Variants in BAHCC1 observed in about 807,000 individuals in gnomAD.
BAHCC1 encodes BAH domain and coiled-coil containing 1, also known as BAH and coiled-coil domain-containing protein 1.
BAHCC1 carries 43 observed loss-of-function variants against 88.2 expected under a neutral mutation model. That is an observed-to-expected ratio of 0.49 (90% CI 0.38 to 0.63). The LOEUF (loss-of-function observed/expected upper bound fraction) is 0.63, where lower values mean the gene tolerates loss of function less well. Among genes scored for constraint, BAHCC1 ranks in the 20% least tolerant of loss-of-function variants. The probability of loss-of-function intolerance (pLI) is 0.00; values close to 1 mark genes in which losing one functional copy is unlikely to be tolerated. For synonymous variants in BAHCC1, 1,510 were observed against 745.5 expected (o/e 2.03, Z -16.71); for missense variants, 3,023 against 1,654.8 (o/e 1.83, Z -14.34).
At chr17:81,449,681 C>A (rs927762769) in intron 11 of BAHCC1, among the ~76,000 whole-genome samples, 5 of 152,050 alleles carry the variant, frequency 3.3e-5, no homozygotes, top group Admixed American at 3.3e-4. Flanking sequence ...AGCCCACCCC[C>A]CCTCGGCCCT....
rs1472801140 is a variant in BAHCC1, at chr17:81,443,827, C to T, written c.2234C>T (p.Ser745Phe). 15 of 712,426 alleles carry T rather than the reference C, an allele frequency of 2.1e-5. No individual in the cohort carries two copies. The East Asian group carries it at 4.0e-4, about 19-fold the overall frequency. The allele number at this position is 712,426 out of a possible 1,614,324, so 44.1% of individuals were successfully genotyped here. A position where few individuals can be genotyped will look rare whatever the true frequency, so the allele number is the denominator to read the frequency against. Residue 745 changes from serine to phenylalanine, a missense_variant, in exon 6 of 28, where the codon TCC (serine) becomes TTC (phenylalanine). Physicochemically the swap from Ser to Phe is radical, Grantham distance 155. Coordinates refer to ENST00000675386, the MANE Select transcript of BAHCC1 (RefSeq NM_001377448.1). Reference sequence around the variant, plus strand: ...TGTGCAGGTGGCGGTGGGCCCCGTTCCACACACGCGCTGGACCTGGAGGCT... The same window carrying T: ...TGTGCAGGTGGCGGTGGGCCCCGTTTCACACACGCGCTGGACCTGGAGGCT... ...PAFKGGGGPR[S>F]THALDLEAEE...
At position 81,415,944 on chromosome 17, in the gene BAHCC1, A is replaced by G. The variant is rs115944637; in HGVS notation, c.179-10856A>G. Among the ~76,000 whole-genome samples the G allele has an allele frequency of 9.4e-3, 1,430 of 151,346 alleles. 19 individuals carry two copies. The highest frequency in any genetic ancestry group is 0.033 in the African/African-American group (1,348 of 41,240). On this transcript the variant is annotated intron_variant, in intron 2 of 27. Transcript: ENST00000675386. Reference sequence around the variant, plus strand: ...GGGAGACCATGGGCCTCACACCTCCAGGCAGGCCAGGCTGGGAAACAATGT... The same window carrying G: ...GGGAGACCATGGGCCTCACACCTCCGGGCAGGCCAGGCTGGGAAACAATGT...
rs562760339 is a variant in BAHCC1 at position 81,442,145 on chromosome 17, G to A, written c.796G>A (p.Gly266Ser). 2.6e-5 allele frequency: 17 copies of A among 657,244 alleles called. No homozygotes were observed. The highest frequency in any genetic ancestry group is 5.6e-5 in the African/African-American group (3 of 53,292). 40.7% of individuals were successfully genotyped at this position (657,244 alleles called of 1,614,324 possible). A position where few individuals can be genotyped will look rare whatever the true frequency, so the allele number is the denominator to read the frequency against. The change falls in exon 5 of 28, where the codon GGC (glycine) becomes AGC (serine). Residue 266 changes from glycine (G) to serine (S), a missense_variant. Gly to Ser is a moderately conservative substitution (Grantham distance 56, BLOSUM62 0). Coordinates refer to ENST00000675386, the MANE Select transcript of BAHCC1 (RefSeq NM_001377448.1). ...VPADGHCREG[G>S]PAPRGACEGR... The stretch of plus-strand genomic sequence containing the variant: ...AGCCGACGGGCACTGCAGGGAGGGC[G>A]GCCCCGCACCCCGAGGGGCCTGCGA...
In BAHCC1 at chr17:81,399,536, C is replaced by A; in HGVS notation, c.-204C>A. ...CTCCTCTGCTTTTGCCTCCACAGAC[C>A]ATGGACCCGCACAGCGGCCGCTGGC... is the stretch of plus-strand genomic sequence containing the variant. On this transcript the variant is annotated splice_region_variant and 5_prime_UTR_variant, in exon 2 of 28. Coordinates refer to ENST00000675386, the MANE Select transcript of BAHCC1 (RefSeq NM_001377448.1). This position sits in a 1 kb window ranked among gnomAD's most constrained non-coding sequence, Gnocchi z 4.5. The A allele has an allele frequency of 2.6e-6, 1 of 385,932 alleles. No individual in the cohort carries two copies. The allele number at this position is 385,932 out of a possible 1,614,324, so 23.9% of individuals were successfully genotyped here.
chr17:81,459,489 C>A lies in BAHCC1; in HGVS notation c.5797-7C>A. On this transcript the variant is annotated splice_polypyrimidine_tract_variant and splice_region_variant and intron_variant, in intron 22 of 27. Transcript: ENST00000675386. The stretch of plus-strand genomic sequence containing the variant: ...CTGCTCATGGGTCGTCGCCCGCGTT[C>A]CTGCAGGTTCTCGATGTGCGGCCAC... The A allele has an allele frequency of 1.3e-6, 1 of 779,156 alleles. No homozygotes were observed. The highest frequency in any genetic ancestry group is 1.3e-5 in the South Asian group (1 of 74,610). The allele number at this position is 779,156 out of a possible 1,614,324, so 48.3% of individuals were successfully genotyped here. A position where few individuals can be genotyped will look rare whatever the true frequency, so the allele number is the denominator to read the frequency against.
intron 2 of BAHCC1, among the ~76,000 whole-genome samples, chr17:81,404,472 G>A (rs781869958): frequency 2.0e-5 from 3 of 152,200 alleles, no homozygotes; most frequent in Non-Finnish European, 4.4e-5. Context: ...AGGGGATGCC[G>A]AGGCTGGGGC....
intron 5 of BAHCC1, 32 bp downstream of exon 5, chr17:81,443,596 C>T (rs934345300): frequency 5.8e-5 from 36 of 621,614 alleles, no homozygotes; most frequent in Middle Eastern, 8.2e-4. Context: ...GGAGGCAGGC[C>T]GGGACAGTCT....
intron 4 of BAHCC1, 88 bp from the exon 5 acceptor site, chr17:81,441,742 CG>C: frequency 2.0e-6 from 1 of 491,964 alleles, no homozygotes; most frequent in Non-Finnish European, 3.7e-6. Flanking sequence ...AGCTGGTGTC[CG>C]GGAGGCACCT....
chr17:81,406,798 C>G (rs2063885889), intron 2 of BAHCC1: 1 of 438,562 alleles, frequency 2.3e-6, no homozygotes, highest in Non-Finnish European at 4.6e-6. Flanking sequence ...CGCCCAGGTC[C>G]TGGTTATGAG....
intron 2 of BAHCC1, among the ~76,000 whole-genome samples, chr17:81,423,920 G>C (rs1454029002): frequency 1.3e-5 from 2 of 152,198 alleles, no homozygotes; most frequent in African/African-American, 4.8e-5. Context: ...CCACACTCAG[G>C]CTGCCAGGAG....
In BAHCC1 at chr17:81,395,487, G is replaced by C. The variant is rs1162592966; in HGVS notation, c.-355G>C. On this transcript the variant is annotated 5_prime_UTR_variant, in exon 1 of 28. Coordinates refer to ENST00000675386, the MANE Select transcript of BAHCC1 (RefSeq NM_001377448.1). Reference sequence around the variant, plus strand: ...AGGCTGCAGGTTTGAGAGCCGCTCTGGATGGGCTCGCTAGAGTCGTTGTTG... The same window carrying C: ...AGGCTGCAGGTTTGAGAGCCGCTCTCGATGGGCTCGCTAGAGTCGTTGTTG... The C allele has an allele frequency of 6.6e-6, 1 of 152,242 alleles. No individual in the cohort carries two copies. The allele number at this position is 152,242 out of a possible 1,614,324, so 9.4% of individuals were successfully genotyped here. A position where few individuals can be genotyped will look rare whatever the true frequency, so the allele number is the denominator to read the frequency against.
At position 81,458,411 on chromosome 17, in the gene BAHCC1, G is replaced by A. The variant is rs547668057; in HGVS notation, c.5288G>A (p.Ser1763Asn). ...ACREEGSQLA[S>N]ERLKRATRKG... ...CGTGAGGAGGGCAGCCAGCTGGCCA[G>A]TGAGCGCCTCAAGAGGGCCACGCGC... Residue 1763 changes from serine to asparagine, a missense_variant, in exon 18 of 28, where the codon AGT becomes AAT. Physicochemically the swap from Ser to Asn is conservative, Grantham distance 46 (BLOSUM62 1). Coordinates refer to ENST00000675386, the MANE Select transcript of BAHCC1 (RefSeq NM_001377448.1). 172 of 744,294 alleles carry A rather than the reference G, an allele frequency of 2.3e-4. No individual in the cohort carries two copies. In the East Asian group the frequency reaches 4.2e-3, roughly 18 times the overall value. The allele number at this position is 744,294 out of a possible 1,614,324, so 46.1% of individuals were successfully genotyped here.
At chr17:81,409,554 G>A (rs1462896068) in intron 2 of BAHCC1, among the ~76,000 whole-genome samples, 7 of 152,208 alleles carry the variant, frequency 4.6e-5, no homozygotes, top group African/African-American at 1.7e-4. Flanking sequence ...TTGTCCACGC[G>A]GGGTCGCGGG....
chr17:81,423,994 G>T (rs1555649931), intron 2 of BAHCC1, among the ~76,000 whole-genome samples: 1 of 152,242 alleles, frequency 6.6e-6, no homozygotes, highest in Non-Finnish European at 1.5e-5. Context: ...TGACCCAGAG[G>T]TGAGCGCCAT....
intron 2 of BAHCC1, among the ~76,000 whole-genome samples, chr17:81,420,425 G>A (rs568837349): frequency 6.6e-6 from 1 of 152,308 alleles, no homozygotes; most frequent in African/African-American, 2.4e-5. Flanking sequence ...TCTTCCCGCT[G>A]CTGGGCCACC....
intron 2 of BAHCC1, chr17:81,413,201 C>A: frequency 2.9e-6 from 1 of 347,958 alleles, no homozygotes; most frequent in Non-Finnish European, 5.8e-6. Context: ...GCTGCCTCCC[C>A]TGTGCTGACC....
chr17:81,447,363 A>G lies in BAHCC1; in HGVS notation c.3491A>G (p.Glu1164Gly), dbSNP rs111866592. The change falls in exon 11 of 28, where the codon GAG becomes GGG. Residue 1164 changes from glutamate (E) to glycine (G), a missense_variant. Coordinates refer to ENST00000675386, the MANE Select transcript of BAHCC1 (RefSeq NM_001377448.1). Reference protein sequence around the residue: ...LQELQCAALLEAGGPEATGQA... With the variant: ...LQELQCAALLGAGGPEATGQA... ...GAACTGCAATGTGCGGCCCTCCTGG[A>G]GGCAGGGGGCCCCGAGGCCACCGGC... is the stretch of plus-strand genomic sequence containing the variant. 11 of 739,740 alleles carry G rather than the reference A, an allele frequency of 1.5e-5. No homozygotes were observed. The highest frequency in any genetic ancestry group is 1.0e-4 in the African/African-American group (6 of 58,308). The allele number at this position is 739,740 out of a possible 1,614,324, so 45.8% of individuals were successfully genotyped here.
At chr17:81,449,065 G>A (rs1020978211) in intron 11 of BAHCC1, among the ~76,000 whole-genome samples, 7 of 152,190 alleles carry the variant, frequency 4.6e-5, no homozygotes, top group Non-Finnish European at 8.8e-5. Context: ...CAGAGTGGCC[G>A]GTCTGCCTGT....
chr17:81,421,984 G>A (rs553971322), intron 2 of BAHCC1: 4 of 391,222 alleles, frequency 1.0e-5, no homozygotes, highest in Non-Finnish European at 2.0e-5. Flanking sequence ...CTCAGGGCCG[G>A]GGTCTCGGGT....
Sources: allele counts gnomAD v4.1 joint callset (sites outside exome capture counted in the v4.1 genomes callset), GRCh38; gene constraint gnomAD v4.1.1; non-coding constraint Gnocchi (gnomAD v3.1); transcripts MANE v1.5; gene names NCBI Gene and HGNC (gene_info 2026-07-23, HGNC 2026-07-21).